Variants in STARD3 observed in about 807,000 individuals in gnomAD.
The protein encoded by STARD3 is StAR related lipid transfer domain containing 3, also known as stAR-related lipid transfer protein 3.
A neutral mutation model predicts 62.0 loss-of-function variants in STARD3; 39 were observed. The ratio of observed to expected loss-of-function variants is 0.63; its 90% CI spans 0.49 to 0.82. The LOEUF (loss-of-function observed/expected upper bound fraction) is 0.82, where lower values mean the gene tolerates loss of function less well. Ranked by LOEUF, STARD3 falls within the 40% of genes least tolerant of loss-of-function variation. The pLI, the probability that STARD3 is intolerant of heterozygous loss-of-function variation, is 0.00. For missense variants in STARD3, 543 were observed against 584.5 expected, an observed-to-expected ratio of 0.93 and a Z score of 0.73; for synonymous variants, 229 against 242.4, an observed-to-expected ratio of 0.94 and a Z score of 0.51.
intron 4 of STARD3, 31 bp from the exon 5 acceptor site, chr17:39,657,942 C>T (rs1391886434): frequency 4.4e-6 from 7 of 1,606,188 alleles, no homozygotes; most frequent in Non-Finnish European, 6.0e-6. Context: ...CAGCCTCTGC[C>T]TTCCCCTTCC....
intron 1 of STARD3, among the ~76,000 whole-genome samples, chr17:39,642,675 A>T (rs1030589246): frequency 6.6e-6 from 1 of 152,180 alleles, no homozygotes; most frequent in African/African-American, 2.4e-5. Flanking sequence ...TGAATGTATC[A>T]TATGTCAGGG....
chr17:39,653,821 C>A, intron 2 of STARD3, 71 bp downstream of exon 2: 1 of 1,565,406 alleles, frequency 6.4e-7, no homozygotes, highest in Non-Finnish European at 8.7e-7. Context: ...CCATCTGCCA[C>A]ATGGGAGGGC....
At chr17:39,639,010 C>T (rs138078769) in intron 1 of STARD3, among the ~76,000 whole-genome samples, 10 of 152,140 alleles carry the variant, frequency 6.6e-5, no homozygotes, top group African/African-American at 2.4e-4. Context: ...CATGGTGGTA[C>T]GTGTGGGAGG....
intron 1 of STARD3, among the ~76,000 whole-genome samples, chr17:39,648,591 A>T (rs1242543739): frequency 1.3e-5 from 2 of 152,102 alleles, no homozygotes; most frequent in African/African-American, 4.8e-5. Context: ...ACTGGGGTAC[A>T]GGTTCCTTAA....
At chr17:39,657,927 C>A (rs966800363) in intron 4 of STARD3, 46 bp from the exon 5 acceptor site, 1 of 1,610,576 alleles carries the variant, frequency 6.2e-7, no homozygotes, top group African/African-American at 1.3e-5. Flanking sequence ...GGAGGACTCA[C>A]TTCCCAGCCT....
chr17:39,637,367 C>T (rs931229594), intron 1 of STARD3, 136 bp downstream of exon 1: 1 of 152,330 alleles, frequency 6.6e-6, no homozygotes, highest in Non-Finnish European at 1.5e-5. Flanking sequence ...CAGGTTCCGC[C>T]CCCTTCCTCT....
Position 39,660,799 on chromosome 17 carries a change from A to ACGGCCCTC in STARD3, c.955-10_955-3dup, listed in dbSNP as rs763012132. 1.9e-6 allele frequency: 3 copies of ACGGCCCTC among 1,568,696 alleles called. No individual in the cohort carries two copies. Among genetic ancestry groups the ACGGCCCTC allele is most frequent in the Admixed American group, 3.7e-5 (2 of 54,254 alleles). The stretch of plus-strand genomic sequence containing the variant: ...CGACCTGTTCCAAAAGTCTCCGTTG[A>ACGGCCCTC]CGGCCCTCAGATCCTGCAGCGAGTG... On this transcript the variant is annotated splice_polypyrimidine_tract_variant and intron_variant, in intron 11 of 14. Coordinates refer to ENST00000336308, the MANE Select transcript of STARD3 (RefSeq NM_006804.4). The surrounding 1 kb of genome is among the most constrained non-coding windows in gnomAD (Gnocchi z 4.8).
chr17:39,649,120 A>G lies in STARD3; in HGVS notation c.-51-4361A>G, dbSNP rs553656279. ...CATAAATGGGAGATAGATTGAGAGG[A>G]AGACCCAGATGGGGAAAAATAAAGA... On this transcript the variant is annotated intron_variant, in intron 1 of 14. Transcript: ENST00000336308. 7.9e-5 allele frequency among the ~76,000 whole-genome samples: 12 copies of G among 152,300 alleles called. No homozygotes were observed. In the South Asian group the frequency reaches 2.5e-3, roughly 32 times the overall value.
In STARD3 at chr17:39,660,662, G is replaced by T. The variant is rs2057186556; in HGVS notation, c.954+136G>T. On this transcript the variant is annotated intron_variant, in intron 11 of 14. Coordinates refer to ENST00000336308, the MANE Select transcript of STARD3 (RefSeq NM_006804.4). The surrounding 1 kb of genome is among the most constrained non-coding windows in gnomAD (Gnocchi z 4.8). ...ATGGTAACAGTGCCTGCTCGGGAGG[G>T]TCGGGAGGAGGGCAGGAGGAGTGCT... is the stretch of plus-strand genomic sequence containing the variant. 1.5e-6 allele frequency: 2 copies of T among 1,353,422 alleles called. No individual in the cohort carries two copies. The highest frequency in any genetic ancestry group is 1.0e-6 in the Non-Finnish European group (1 of 963,530). The allele number at this position is 1,353,422 out of a possible 1,614,324, so 83.8% of individuals were successfully genotyped here. A position where few individuals can be genotyped will look rare whatever the true frequency, so the allele number is the denominator to read the frequency against.
At chr17:39,656,161 C>T (rs2057127750) in intron 2 of STARD3, among the ~76,000 whole-genome samples, 1 of 152,028 alleles carries the variant, frequency 6.6e-6, no homozygotes, top group Non-Finnish European at 1.5e-5. Flanking sequence ...TTTAACAAGC[C>T]CCCCCAGATT....
chr17:39,655,994 G>A (rs2057125308), intron 2 of STARD3, among the ~76,000 whole-genome samples: 1 of 148,426 alleles, frequency 6.7e-6, no homozygotes, highest in Non-Finnish European at 1.5e-5. Flanking sequence ...GGAGTGCTGG[G>A]TGGTGTGGGT....
intron 1 of STARD3, among the ~76,000 whole-genome samples, chr17:39,645,517 G>T (rs911120044): frequency 1.3e-5 from 2 of 152,006 alleles, no homozygotes; most frequent in South Asian, 4.2e-4. Flanking sequence ...TCACCCGGGC[G>T]GGGGTGCAAT....
chr17:39,663,210 C>G lies in STARD3; in HGVS notation c.*302C>G. On this transcript the variant is annotated 3_prime_UTR_variant, in exon 15 of 15. Transcript: ENST00000336308. ...CCAGGGCAGGGTCTGGGCTGGGCAC[C>G]TGACTTGGCTGGGGAGGACCAGGGC... is the stretch of plus-strand genomic sequence containing the variant. 1 of 415,074 alleles carries G rather than the reference C, an allele frequency of 2.4e-6. No homozygotes were observed. Among genetic ancestry groups the G allele is most frequent in the Non-Finnish European group, 4.2e-6 (1 of 236,302 alleles). 25.7% of individuals were successfully genotyped at this position (415,074 alleles called of 1,614,324 possible).
chr17:39,652,303 A>G (rs1189082266), intron 1 of STARD3, among the ~76,000 whole-genome samples: 3 of 152,220 alleles, frequency 2.0e-5, no homozygotes, highest in African/African-American at 7.2e-5. Flanking sequence ...ACAATCAATT[A>G]CAAAGCACCT....
intron 1 of STARD3, among the ~76,000 whole-genome samples, chr17:39,639,036 G>A (rs1455104536): frequency 6.6e-6 from 1 of 152,166 alleles, no homozygotes; most frequent in Admixed American, 6.5e-5. Flanking sequence ...TTGAGCCCAG[G>A]AATTTGAAGT....
chr17:39,660,611 G>A lies in STARD3; in HGVS notation c.954+85G>A, dbSNP rs1197596788. 1 of 1,492,600 alleles carries A rather than the reference G, an allele frequency of 6.7e-7. No individual in the cohort carries two copies. The highest frequency in any genetic ancestry group is 1.4e-5 in the African/African-American group (1 of 72,490). The allele number at this position is 1,492,600 out of a possible 1,614,324, so 92.5% of individuals were successfully genotyped here. ...GATCACTGAAGCACTCAGCGCCTCA[G>A]CTGCCCCATCTGTACAGTGGGTGTG... On this transcript the variant is annotated intron_variant, in intron 11 of 14. Transcript: ENST00000336308. This position sits in a 1 kb window ranked among gnomAD's most constrained non-coding sequence, Gnocchi z 4.8.
chr17:39,647,409 A>G lies in STARD3; in HGVS notation c.-51-6072A>G. Among the ~76,000 whole-genome samples, 2 of 151,752 alleles carry G rather than the reference A, an allele frequency of 1.3e-5. 1 individual carries two copies. The highest frequency in any genetic ancestry group is 3.9e-4 in the East Asian group (2 of 5,168). ...ACAGCAACCAGTGGGCTCTTTTGGC[A>G]GTGGGTGGGGTGCTGCTCCCAGGGG... is the stretch of plus-strand genomic sequence containing the variant. On this transcript the variant is annotated intron_variant, in intron 1 of 14. Transcript: ENST00000336308.
intron 1 of STARD3, among the ~76,000 whole-genome samples, chr17:39,649,276 A>G (rs554729504): frequency 6.6e-5 from 10 of 152,362 alleles, no homozygotes; most frequent in Admixed American, 2.6e-4. Context: ...TTGACCCAGC[A>G]ATACCACTTC....
At chr17:39,649,036 G>T (rs779233983) in intron 1 of STARD3, among the ~76,000 whole-genome samples, 1 of 152,202 alleles carries the variant, frequency 6.6e-6, no homozygotes, top group Non-Finnish European at 1.5e-5. Context: ...GGCAGATAGA[G>T]AAGAGAGAGA....
Sources: allele counts gnomAD v4.1 joint callset (sites outside exome capture counted in the v4.1 genomes callset), GRCh38; gene constraint gnomAD v4.1.1; non-coding constraint Gnocchi (gnomAD v3.1); transcripts MANE v1.5; gene names NCBI Gene and HGNC (gene_info 2026-07-23, HGNC 2026-07-21).